PDE1C: variants seen among roughly 807,000 people sequenced by gnomAD.
The protein encoded by PDE1C is dual specificity calcium/calmodulin-dependent 3',5'-cyclic nucleotide phosphodiesterase 1C.
PDE1C carries 62 observed loss-of-function variants against 93.1 expected under a neutral mutation model. That is an observed-to-expected ratio of 0.67 (90% CI 0.54 to 0.82). The LOEUF (loss-of-function observed/expected upper bound fraction) is 0.82, where lower values mean the gene tolerates loss of function less well. Ranked by LOEUF, PDE1C falls within the 40% of genes least tolerant of loss-of-function variation. PDE1C has a pLI of 0.00. For missense variants in PDE1C, 742 were observed against 884.6 expected (o/e 0.84, Z 2.04); for synonymous variants, 325 against 310.1 (o/e 1.05, Z -0.50).
intron 2 of PDE1C, among the ~76,000 whole-genome samples, chr7:32,003,431 T>C (rs959969053): frequency 6.6e-6 from 1 of 152,238 alleles, no homozygotes; most frequent in African/African-American, 2.4e-5. Context: ...ATCACATTTG[T>C]CCTCAGATGC....
At chr7:32,071,261 C>T (rs1584698695), upstream of PDE1C, 1 of 985,496 alleles carries the variant, frequency 1.0e-6, no homozygotes, top group East Asian at 1.1e-4. Context: ...TCCTTATCCT[C>T]CCGGGGCCAG....
intron 1 of PDE1C, among the ~76,000 whole-genome samples, chr7:32,221,888 G>A (rs1158786280): frequency 6.6e-6 from 1 of 152,176 alleles, no homozygotes; most frequent in Non-Finnish European, 1.5e-5. Flanking sequence ...CAACAGAGCA[G>A]AGCTGAGCTA....
At chr7:32,116,851 C>T (rs1584793750) in intron 3 of PDE1C, among the ~76,000 whole-genome samples, 1 of 152,182 alleles carries the variant, frequency 6.6e-6, no homozygotes, top group African/African-American at 2.4e-5. Flanking sequence ...ATCACATGGT[C>T]ATTTCTTCCC....
At chr7:32,085,506 G>T (rs974208146) in intron 3 of PDE1C, among the ~76,000 whole-genome samples, 1 of 149,570 alleles carries the variant, frequency 6.7e-6, no homozygotes, top group African/African-American at 2.5e-5. Context: ...CATTTTCTGA[G>T]GCCAGCATCA....
At chr7:31,694,449 A>T in the PDE1C span, among the ~76,000 whole-genome samples, 21 of 150,644 alleles carry the variant, frequency 1.4e-4, no homozygotes, top group South Asian at 2.7e-3. Flanking sequence ...CACTCTAAAG[A>T]TTGAGAGAAT....
chr7:32,170,080 G>T, intron 2 of PDE1C: 1 of 815,982 alleles, frequency 1.2e-6, no homozygotes, highest in South Asian at 1.7e-5. Context: ...CACCATCTCC[G>T]CCAACATTAC....
the PDE1C span, among the ~76,000 whole-genome samples, chr7:31,629,138 G>A: frequency 6.6e-6 from 1 of 152,046 alleles, no homozygotes; most frequent in African/African-American, 2.4e-5. Flanking sequence ...GTAAGCACTG[G>A]ATCTAAATTA....
chr7:32,205,640 C>T (rs916125704), intron 2 of PDE1C, among the ~76,000 whole-genome samples: 6 of 152,194 alleles, frequency 3.9e-5, no homozygotes, highest in African/African-American at 1.2e-4. Context: ...TTGTGCCCTG[C>T]AGAAGCTTTG....
At chr7:32,145,849 C>T (rs775779272) in intron 3 of PDE1C, among the ~76,000 whole-genome samples, 3 of 152,212 alleles carry the variant, frequency 2.0e-5, no homozygotes, top group African/African-American at 4.8e-5. Flanking sequence ...CAGGGTTGAA[C>T]GTCCAGACTT....
intron 2 of PDE1C, among the ~76,000 whole-genome samples, chr7:32,023,901 G>T (rs771421646): frequency 4.6e-5 from 7 of 152,006 alleles, no homozygotes; most frequent in Non-Finnish European, 7.4e-5. Flanking sequence ...GTGCACAACT[G>T]GGGAAATCTG....
At chr7:32,113,217 TATAA>T (rs1424824366) in intron 3 of PDE1C, among the ~76,000 whole-genome samples, 2 of 113,654 alleles carry the variant, frequency 1.8e-5, no homozygotes, top group Admixed American at 9.3e-5. Flanking sequence ...TATTTATAAA[TATAA>T]ATATATTGTC....
At chr7:31,726,528 C>T in the PDE1C span, among the ~76,000 whole-genome samples, 24 of 152,270 alleles carry the variant, frequency 1.6e-4, no homozygotes, top group South Asian at 1.0e-3. Flanking sequence ...AGAACACAAC[C>T]GTCAGACAAG....
chr7:32,200,161 T>C (rs981711971), intron 2 of PDE1C, among the ~76,000 whole-genome samples: 4 of 152,184 alleles, frequency 2.6e-5, no homozygotes, highest in Admixed American at 2.0e-4. Context: ...TAATTATCTG[T>C]GTTTGCTGAC....
In PDE1C at chr7:32,066,049, T is replaced by C. The variant is rs139479668; in HGVS notation, c.101+4244A>G. On this transcript the variant is annotated intron_variant, in intron 1 of 17. Transcript: ENST00000396191. ...GCCTCCTATCATAAAAGGTCTTCTCTATGAGGTGGGAAATGGATCCAATGG... is the reference window on the plus strand; with the variant it reads ...GCCTCCTATCATAAAAGGTCTTCTCCATGAGGTGGGAAATGGATCCAATGG... Among the ~76,000 whole-genome samples the C allele has an allele frequency of 3.9e-5, 6 of 152,312 alleles. No homozygotes were observed. In the East Asian group the frequency reaches 1.2e-3, roughly 29 times the overall value.
the PDE1C span, among the ~76,000 whole-genome samples, chr7:31,734,479 C>A: frequency 6.6e-6 from 1 of 152,102 alleles, no homozygotes; most frequent in East Asian, 1.9e-4. Context: ...CCCTGGGACG[C>A]CACAGGATAT....
In PDE1C at chr7:32,036,878, C is replaced by G. The variant is rs373580544; in HGVS notation, c.128+14676G>C. On this transcript the variant is annotated intron_variant, in intron 2 of 17. Coordinates refer to ENST00000396191, the MANE Select transcript of PDE1C (RefSeq NM_001191057.4). ...GAAATGTAAATCCACAGCTCTCACTCGGACCTACCAAATCAGAACTTTAGA... is the reference window on the plus strand; with the variant it reads ...GAAATGTAAATCCACAGCTCTCACTGGGACCTACCAAATCAGAACTTTAGA... Among the ~76,000 whole-genome samples the G allele has an allele frequency of 1.4e-4, 21 of 152,286 alleles. 3 individuals carry two copies. The highest frequency in any genetic ancestry group is 1.2e-3 in the East Asian group (6 of 5,180).
chr7:32,140,535 C>A, intron 3 of PDE1C, among the ~76,000 whole-genome samples: 1 of 152,224 alleles, frequency 6.6e-6, no homozygotes, highest in Non-Finnish European at 1.5e-5. Context: ...TGATTCATTT[C>A]AATTTTTATT....
chr7:32,013,499 C>T (rs1346052295), intron 2 of PDE1C, among the ~76,000 whole-genome samples: 1 of 152,196 alleles, frequency 6.6e-6, no homozygotes, highest in Non-Finnish European at 1.5e-5. Flanking sequence ...TTTCCATTGG[C>T]TGGAATGGGA....
chr7:31,952,399 G>A (rs1286952925), intron 2 of PDE1C, among the ~76,000 whole-genome samples: 4 of 152,038 alleles, frequency 2.6e-5, no homozygotes, highest in Non-Finnish European at 4.4e-5. Flanking sequence ...ACAGGCATAA[G>A]CTACCATGCC....
Sources: gnomAD v4.1 joint callset for allele counts (sites outside exome capture counted in the v4.1 genomes callset) on GRCh38, gnomAD v4.1.1 for gene constraint, MANE v1.5 for transcripts, NCBI Gene and HGNC (gene_info 2026-07-23, HGNC 2026-07-21) for gene names.